Variants in KCNN2 observed in about 807,000 individuals in gnomAD.
KCNN2 encodes potassium calcium-activated channel subfamily N member 2, also known as small conductance calcium-activated potassium channel protein 2.
In KCNN2, 24 loss-of-function variants were observed where a neutral mutation model predicts 55.5. The ratio of observed to expected loss-of-function variants is 0.43; its 90% CI spans 0.31 to 0.61. KCNN2 has a LOEUF of 0.61. KCNN2 is among the 20% of genes least tolerant of loss of function. The pLI, the probability that KCNN2 is intolerant of heterozygous loss-of-function variation, is 0.08. For missense variants in KCNN2, 754 were observed against 853.6 expected (o/e 0.88, Z 1.45); for synonymous variants, 431 against 336.1 (o/e 1.28, Z -3.09).
At chr5:114,406,378 C>A (rs1190658854) in intron 3 of KCNN2, among the ~76,000 whole-genome samples, 2 of 150,910 alleles carry the variant, frequency 1.3e-5, no homozygotes, top group Admixed American at 6.6e-5. Context: ...TTCACAACTT[C>A]ACTCCTCCCC....
chr5:114,252,826 A>C (rs959090351), intron 2 of KCNN2, among the ~76,000 whole-genome samples: 21 of 152,136 alleles, frequency 1.4e-4, no homozygotes, highest in Middle Eastern at 3.4e-3. Context: ...TGACAAGATG[A>C]CATGTGGATG....
intron 3 of KCNN2, among the ~76,000 whole-genome samples, chr5:114,435,148 G>C (rs948288227): frequency 1.4e-5 from 2 of 146,474 alleles, no homozygotes; most frequent in Admixed American, 6.8e-5. Flanking sequence ...CTCACCCCAG[G>C]ACCAGGCCTT....
At chr5:114,094,907 A>G (rs933139337) in intron 1 of KCNN2, among the ~76,000 whole-genome samples, 2 of 152,230 alleles carry the variant, frequency 1.3e-5, no homozygotes, top group Middle Eastern at 3.4e-3. Context: ...TCCTGCTTTT[A>G]TATAATATTG....
At chr5:114,402,533 C>G (rs1302403381) in intron 2 of KCNN2, among the ~76,000 whole-genome samples, 1 of 152,152 alleles carries the variant, frequency 6.6e-6, no homozygotes, top group Non-Finnish European at 1.5e-5. Context: ...TTTGGTGAAA[C>G]ATTGCTTTAG....
chr5:114,406,199 G>T (rs1040923147), intron 3 of KCNN2, among the ~76,000 whole-genome samples: 1 of 151,080 alleles, frequency 6.6e-6, no homozygotes, highest in African/African-American at 2.4e-5. Context: ...CATTCTCTTG[G>T]TAACTGCTTT....
chr5:114,155,212 A>G (rs1337070412), intron 1 of KCNN2, among the ~76,000 whole-genome samples: 2 of 152,164 alleles, frequency 1.3e-5, no homozygotes, highest in East Asian at 1.9e-4. Context: ...TGCAAAGGAC[A>G]TGATCTCTTT....
chr5:114,453,773 G>A (rs1388563386), intron 3 of KCNN2, among the ~76,000 whole-genome samples: 1 of 151,890 alleles, frequency 6.6e-6, no homozygotes, highest in Non-Finnish European at 1.5e-5. Flanking sequence ...AGTTGGTGTT[G>A]TATAGTTGTA....
chr5:114,213,275 T>C (rs1029536404), intron 1 of KCNN2, among the ~76,000 whole-genome samples: 2 of 152,036 alleles, frequency 1.3e-5, no homozygotes, highest in Non-Finnish European at 2.9e-5. Context: ...GTTTAATTTA[T>C]CCTATTTGCT....
intron 2 of KCNN2, among the ~76,000 whole-genome samples, chr5:114,292,815 A>G (rs1015012607): frequency 2.0e-5 from 3 of 152,176 alleles, no homozygotes; most frequent in African/African-American, 7.2e-5. Context: ...GATTCTTCCT[A>G]CCCATGAGCA....
intron 1 of KCNN2, among the ~76,000 whole-genome samples, chr5:114,091,779 A>G (rs1322268667): frequency 6.6e-6 from 1 of 152,150 alleles, no homozygotes; most frequent in East Asian, 1.9e-4. Flanking sequence ...ATGCTTATAA[A>G]ACCACCAGAT....
chr5:114,405,026 G>A (rs149235245), intron 3 of KCNN2, among the ~76,000 whole-genome samples, 170 bp downstream of exon 3: 74 of 152,152 alleles, frequency 4.9e-4, no homozygotes, highest in African/African-American at 1.7e-3. Flanking sequence ...AGATTTTTTC[G>A]TAGAGCAAAT....
At chr5:114,274,006 T>C (rs1457141805) in intron 2 of KCNN2, among the ~76,000 whole-genome samples, 2 of 152,230 alleles carry the variant, frequency 1.3e-5, no homozygotes, top group Non-Finnish European at 2.9e-5. Flanking sequence ...CATCTTGAGT[T>C]AATTTTTGTA....
intron 6 of KCNN2, chr5:114,490,652 CTTTTG>C (rs1381338274): frequency 2.8e-5 from 11 of 398,010 alleles, no homozygotes; most frequent in East Asian, 2.5e-4. Flanking sequence ...AGTTTCTTTT[CTTTTG>C]TTTTGTCTTT....
intron 2 of KCNN2, among the ~76,000 whole-genome samples, chr5:114,241,312 C>T (rs754197432): frequency 3.8e-4 from 57 of 151,712 alleles, no homozygotes; most frequent in African/African-American, 1.1e-3. Context: ...TTTTAGATAA[C>T]GAATATAGTA....
At chr5:114,482,169 TAAAC>T (rs1762257853) in intron 5 of KCNN2, among the ~76,000 whole-genome samples, 1 of 151,966 alleles carries the variant, frequency 6.6e-6, no homozygotes, top group African/African-American at 2.4e-5. Flanking sequence ...TACAAGAACT[TAAAC>T]AAATTTACAA....
intron 1 of KCNN2, among the ~76,000 whole-genome samples, chr5:114,198,402 A>C (rs746728209): frequency 6.0e-5 from 9 of 150,364 alleles, no homozygotes; most frequent in Non-Finnish European, 1.2e-4. Flanking sequence ...GTATGTGTAT[A>C]TATATCCATA....
chr5:114,245,738 C>A (rs6859418), intron 2 of KCNN2, among the ~76,000 whole-genome samples: 55,029 of 152,028 alleles, frequency 0.36, 10,529 homozygotes, highest in East Asian at 0.74. Context: ...GATTATCTAG[C>A]TCAAACTCTT....
intron 2 of KCNN2, among the ~76,000 whole-genome samples, chr5:114,376,064 G>T (rs1757927996): frequency 6.7e-6 from 1 of 148,310 alleles, no homozygotes; most frequent in Non-Finnish European, 1.5e-5. Flanking sequence ...GTTAAGTTTT[G>T]ACCACGTTCT....
intron 3 of KCNN2, among the ~76,000 whole-genome samples, chr5:114,443,575 C>T (rs1760295289): frequency 6.6e-6 from 1 of 152,168 alleles, no homozygotes; most frequent in Admixed American, 6.5e-5. Flanking sequence ...CTCAAATTAT[C>T]CATTGCATAA....
Sources: gnomAD v4.1 joint callset for allele counts (sites outside exome capture counted in the v4.1 genomes callset) on GRCh38, gnomAD v4.1.1 for gene constraint, MANE v1.5 for transcripts, NCBI Gene and HGNC (gene_info 2026-07-23, HGNC 2026-07-21) for gene names.